The following ARHGEF4 variants were observed in gnomAD, a reference collection of about 807,000 sequenced individuals.
The protein encoded by ARHGEF4 is APC-stimulated guanine nucleotide exchange factor 1.
A neutral mutation model predicts 162.0 loss-of-function variants in ARHGEF4; 119 were observed. The observed-to-expected ratio is 0.73, with a 90% CI of 0.63 to 0.86. The LOEUF is 0.86. Among genes scored for constraint, ARHGEF4 ranks in the 40% least tolerant of loss-of-function variants. The pLI is 0.00. For synonymous variants in ARHGEF4, 1,014 were observed against 979.9 expected (o/e 1.03, Z -0.65); for missense variants, 2,488 against 2,456.0 (o/e 1.01, Z -0.28).
intron 2 of ARHGEF4, among the ~76,000 whole-genome samples, chr2:130,918,352 G>A (rs989710297): frequency 6.6e-6 from 1 of 152,224 alleles, no homozygotes; most frequent in Non-Finnish European, 1.5e-5. Context: ...ACAGAACGGA[G>A]CAGAGAAGGG....
chr2:130,923,566 G>A (rs762612493), intron 2 of ARHGEF4, among the ~76,000 whole-genome samples: 6 of 152,198 alleles, frequency 3.9e-5, no homozygotes, highest in Non-Finnish European at 5.9e-5. Flanking sequence ...TAGATGCAGC[G>A]GACACTGTAC....
intron 5 of ARHGEF4, chr2:131,035,984 T>TA: frequency 2.1e-6 from 1 of 487,010 alleles, no homozygotes; most frequent in Non-Finnish European, 2.7e-6. Context: ...GAGTCTCAAA[T>TA]GTGCACCTCC....
intron 4 of ARHGEF4, among the ~76,000 whole-genome samples, chr2:130,985,944 AGT>A (rs1453402988): frequency 2.1e-5 from 3 of 141,176 alleles, no homozygotes; most frequent in Non-Finnish European, 3.1e-5. Context: ...GTGTGTGTTG[AGT>A]GTTGTGTGTG....
intron 1 of ARHGEF4, among the ~76,000 whole-genome samples, chr2:130,873,120 T>C (rs1678596786): frequency 6.6e-6 from 1 of 152,182 alleles, no homozygotes; most frequent in South Asian, 2.1e-4. Flanking sequence ...AGTGCCCGGA[T>C]TCAAACCCTC....
At position 130,931,332 on chromosome 2, in the gene ARHGEF4, T is replaced by G. The variant is rs1054920191; in HGVS notation, c.3858+75T>G. On this transcript the variant is annotated intron_variant, in intron 3 of 13. Transcript: ENST00000409359. ...CTCTCTGCAGCTGCCTGTTGCTTCC[T>G]GAGCTTTTGCCTGACTCTCCTGAGA... 8.3e-6 allele frequency: 12 copies of G among 1,447,288 alleles called. No homozygotes were observed. The East Asian group carries it at 3.0e-4, about 36-fold the overall frequency. The allele number at this position is 1,447,288 out of a possible 1,614,324, so 89.7% of individuals were successfully genotyped here.
intron 1 of ARHGEF4, among the ~76,000 whole-genome samples, chr2:130,889,909 G>T (rs1403948372): frequency 6.6e-6 from 1 of 151,482 alleles, no homozygotes; most frequent in African/African-American, 2.4e-5. Context: ...AGCGTATTGA[G>T]ATTTCATTCT....
At chr2:130,988,957 A>C (rs574445905) in intron 4 of ARHGEF4, among the ~76,000 whole-genome samples, 1 of 147,798 alleles carries the variant, frequency 6.8e-6, no homozygotes, top group South Asian at 2.2e-4. Context: ...AAATATAATT[A>C]TTTTCTTTTT....
intron 1 of ARHGEF4, among the ~76,000 whole-genome samples, chr2:130,886,597 C>A (rs1446896478): frequency 1.3e-5 from 2 of 150,716 alleles, no homozygotes; most frequent in Non-Finnish European, 2.9e-5. Flanking sequence ...AGGAGAATGG[C>A]GGGAACCCGG....
At chr2:130,985,335 C>G (rs1376212671) in intron 4 of ARHGEF4, among the ~76,000 whole-genome samples, 1 of 152,146 alleles carries the variant, frequency 6.6e-6, no homozygotes, top group Non-Finnish European at 1.5e-5. Context: ...AAATCTGTTA[C>G]CAAAACACCA....
rs1358750999 is a variant in ARHGEF4, at chr2:130,915,255, C to T, written c.1309C>T (p.Leu437=). 6.4e-7 allele frequency: 1 copy of T among 1,550,502 alleles called. No homozygotes were observed. Among genetic ancestry groups the T allele is most frequent in the Non-Finnish European group, 8.7e-7 (1 of 1,147,012 alleles). ...NQLRQDSRSC[L]VASCLTSELV... ...GTTAAGACAGGATTCCAGGTCATGT[C>T]TGGTGGCTTCATGCCTCACCTCAGA... Residue 437 remains leucine (L), a synonymous_variant, in exon 2 of 14, where the codon CTG becomes TTG. Transcript: ENST00000409359.
Position 130,964,032 on chromosome 2 carries a change from C to T in ARHGEF4, c.3985+17397C>T, listed in dbSNP as rs538331891. 58 of 400,058 alleles carry T rather than the reference C, an allele frequency of 1.4e-4. 1 individual carries two copies. In the South Asian group the frequency reaches 5.1e-3, roughly 35 times the overall value. The allele number at this position is 400,058 out of a possible 1,614,324, so 24.8% of individuals were successfully genotyped here. On this transcript the variant is annotated intron_variant, in intron 4 of 13. Coordinates refer to ENST00000409359, the MANE Select transcript of ARHGEF4 (RefSeq NM_001367493.1). ...CTTCCCCGAGCCTGTGGCTGGAGCT[C>T]GGGCCCGCCTGCGTGCGGGCGCAGC...
intron 4 of ARHGEF4, among the ~76,000 whole-genome samples, chr2:130,992,338 A>C (rs924666409): frequency 3.3e-5 from 5 of 151,604 alleles, no homozygotes; most frequent in South Asian, 2.1e-4. Context: ...TTTGCAATAA[A>C]TCTTGCTACT....
At chr2:130,948,062 C>CTGTGTGGT (rs1274061810) in intron 4 of ARHGEF4, among the ~76,000 whole-genome samples, 1 of 152,164 alleles carries the variant, frequency 6.6e-6, no homozygotes, top group Non-Finnish European at 1.5e-5. Flanking sequence ...CTGTCGGTGC[C>CTGTGTGGT]GAAGACCCAT....
chr2:130,967,692 C>A (rs1039423463), intron 4 of ARHGEF4, among the ~76,000 whole-genome samples: 1 of 152,146 alleles, frequency 6.6e-6, no homozygotes, highest in East Asian at 1.9e-4. Flanking sequence ...ACATTTCTTG[C>A]CCTTAAAGAA....
At chr2:130,931,406 C>A in intron 3 of ARHGEF4, 149 bp downstream of exon 3, 1 of 842,102 alleles carries the variant, frequency 1.2e-6, no homozygotes, top group Non-Finnish European at 1.8e-6. Context: ...GCTGCCTGGG[C>A]CACACTCAGT....
chr2:131,015,184 AG>A (rs1688698646), intron 4 of ARHGEF4, among the ~76,000 whole-genome samples: 1 of 152,196 alleles, frequency 6.6e-6, no homozygotes, highest in South Asian at 2.1e-4. Context: ...TTCTCCCAGG[AG>A]GGCCCAGACG....
chr2:130,900,317 A>G (rs1452936959), intron 1 of ARHGEF4, among the ~76,000 whole-genome samples: 1 of 152,244 alleles, frequency 6.6e-6, no homozygotes. Context: ...GTCCTCAACT[A>G]TAACCGTGGG....
At position 130,917,414 on chromosome 2, in the gene ARHGEF4, G is replaced by C. The variant is rs370877068; in HGVS notation, c.3468G>C (p.Glu1156Asp). The change falls in exon 2 of 14, where the codon GAG becomes GAC. Residue 1156 changes from glutamate to aspartate, a missense_variant. This residue lies in a region of ARHGEF4 where 1,642 missense variants were observed against 1,481.5 expected (regional missense o/e 1.11). Coordinates refer to ENST00000409359, the MANE Select transcript of ARHGEF4 (RefSeq NM_001367493.1). ...CTCTGCAGACGCTAAACCAAGATGAGCAGAAGGAAGAGAGCAGGGAAGGAG... is the reference window on the plus strand; with the variant it reads ...CTCTGCAGACGCTAAACCAAGATGACCAGAAGGAAGAGAGCAGGGAAGGAG... ...LLSLQTLNQD[E>D]QKEESREGGQ... 5.5e-4 allele frequency: 849 copies of C among 1,550,674 alleles called. 13 individuals are homozygous for C. In the South Asian group the frequency reaches 9.4e-3, roughly 17 times the overall value.
intron 4 of ARHGEF4, among the ~76,000 whole-genome samples, chr2:130,990,647 A>C (rs1198423113): frequency 1.3e-5 from 2 of 151,966 alleles, no homozygotes; most frequent in Non-Finnish European, 2.9e-5. Context: ...TCCCACAGTG[A>C]TTCTGCAACC....
Sources: gnomAD v4.1 joint callset for allele counts (sites outside exome capture counted in the v4.1 genomes callset) on GRCh38, gnomAD v4.1.1 for gene constraint, gnomAD v4.1.1 regional missense constraint, MANE v1.5 for transcripts, NCBI Gene and HGNC (gene_info 2026-07-23, HGNC 2026-07-21) for gene names.